Variants in HNRNPL observed in about 807,000 individuals in gnomAD.
HNRNPL encodes the protein heterogeneous nuclear ribonucleoprotein L.
HNRNPL carries 12 observed loss-of-function variants against 64.0 expected under a neutral mutation model. That is an observed-to-expected ratio of 0.19 (90% confidence interval 0.12 to 0.30). The LOEUF (loss-of-function observed/expected upper bound fraction) is 0.30, where lower values mean the gene tolerates loss of function less well. HNRNPL is among the 10% of genes least tolerant of loss of function. HNRNPL has a pLI of 1.00. For missense variants in HNRNPL, 484 were observed against 797.4 expected, an observed-to-expected ratio of 0.61 and a Z score of 4.73; for synonymous variants, 385 against 313.0, an observed-to-expected ratio of 1.23 and a Z score of -2.43.
At chr19:38,839,751 G>A (rs73930211) in intron 8 of HNRNPL, 12 of 246,668 alleles carry the variant, frequency 4.9e-5, no homozygotes, top group African/African-American at 2.3e-4. Context: ...CAGAAGGCCC[G>A]GTGTTGCCAG....
chr19:38,838,639 G>T, intron 9 of HNRNPL, 41 bp from the exon 10 acceptor site: 1 of 1,586,526 alleles, frequency 6.3e-7, no homozygotes, highest in Non-Finnish European at 8.6e-7. Context: ...CATACCCAAA[G>T]TTGTCCCTGA....
intron 6 of HNRNPL, chr19:38,843,446 A>C (rs1352512792): frequency 4.6e-6 from 1 of 215,410 alleles, no homozygotes; most frequent in Admixed American, 5.2e-5. Flanking sequence ...CACTCCCCCA[A>C]ATCAGACCCT....
Position 38,843,928 on chromosome 19 carries a change from A to C in HNRNPL, c.808-14T>G, listed in dbSNP as rs751159349. ...CAAGCGTGTAGGCTGCAAGGACAGG[A>C]CAAGACAAGACTTGAGGTCAGCCAT... On this transcript the variant is annotated splice_polypyrimidine_tract_variant and intron_variant, in intron 5 of 12. Coordinates refer to ENST00000221419, the MANE Select transcript of HNRNPL (RefSeq NM_001533.3). 1 of 1,613,784 alleles carries C rather than the reference A, an allele frequency of 6.2e-7. No individual in the cohort carries two copies. Among genetic ancestry groups the C allele is most frequent in the Non-Finnish European group, 8.5e-7 (1 of 1,179,758 alleles).
At position 38,840,474 on chromosome 19, in the gene HNRNPL, C is replaced by A. The variant is rs773325531; in HGVS notation, c.952+14G>T. ...AGCCACGGGAGTCCACGGAGGGGAA[C>A]CCCCTGCCCTCACCATATTCTGCGG... On this transcript the variant is annotated intron_variant, in intron 7 of 12. Transcript: ENST00000221419. The A allele has an allele frequency of 1.3e-6, 2 of 1,579,974 alleles. No individual in the cohort carries two copies. The highest frequency in any genetic ancestry group is 1.7e-6 in the Non-Finnish European group (2 of 1,165,560).
At position 38,848,499 on chromosome 19, in the gene HNRNPL, C is replaced by G. The variant is rs562741577; in HGVS notation, c.268-1065G>C. ...CCCACCGACAAAAGCCTCTGGTCAT[C>G]AGGAGAAAGATTAACTCTCTTCCGC... On this transcript the variant is annotated intron_variant, in intron 1 of 12. Transcript: ENST00000221419. Among the ~76,000 whole-genome samples, 122 of 152,352 alleles carry G rather than the reference C, an allele frequency of 8.0e-4. No individual in the cohort carries two copies. The Middle Eastern group carries it at 0.014, about 17-fold the overall frequency.
intron 10 of HNRNPL, 93 bp from the exon 11 acceptor site, chr19:38,837,744 G>A: frequency 9.4e-7 from 1 of 1,060,130 alleles, no homozygotes; most frequent in Non-Finnish European, 1.4e-6. Flanking sequence ...CTCAGTACTT[G>A]AAGTTTTCAG....
Position 38,838,609 on chromosome 19 carries a change from G to C in HNRNPL, c.1356-11C>G. ...GGCTGCTTGGAGACACTGCAGCAAG[G>C]AAGAAAGGGGAGCCTTTGTCATACC... On this transcript the variant is annotated splice_polypyrimidine_tract_variant and intron_variant, in intron 9 of 12. Transcript: ENST00000221419. 1 of 1,611,448 alleles carries C rather than the reference G, an allele frequency of 6.2e-7. No homozygotes were observed. Among genetic ancestry groups the C allele is most frequent in the Non-Finnish European group, 8.5e-7 (1 of 1,178,118 alleles).
chr19:38,841,782 C>A (rs1455329168), intron 6 of HNRNPL: 3 of 491,978 alleles, frequency 6.1e-6, no homozygotes, highest in Admixed American at 2.6e-5. Context: ...TTGATTAAAT[C>A]AAAAATGGCT....
At position 38,837,631 on chromosome 19, in the gene HNRNPL, C is replaced by G. The variant is rs1160951181; in HGVS notation, c.1578G>C (p.Val526=). The part of the protein sequence containing the change: ...NFFEICDELG[V]KRPSSVKVFS... ...ATACTTTCACAGAAGATGGCCGCTTCACTCCCAGCTCATCGCAGATCTGCA... is the reference window on the plus strand; with the variant it reads ...ATACTTTCACAGAAGATGGCCGCTTGACTCCCAGCTCATCGCAGATCTGCA... Residue 526 remains valine, a synonymous_variant, in exon 11 of 13, where the codon GTG becomes GTC. Transcript: ENST00000221419. 3 of 1,614,256 alleles carry G rather than the reference C, an allele frequency of 1.9e-6. No homozygotes were observed. In the Admixed American group the frequency reaches 5.0e-5, roughly 27 times the overall value.
intron 1 of HNRNPL, 152 bp downstream of exon 1, chr19:38,849,548 G>A (rs951447904): frequency 9.0e-7 from 1 of 1,110,880 alleles, no homozygotes; most frequent in Non-Finnish European, 1.1e-6. Context: ...AAACCCCGCC[G>A]TTTGCCCAAC....
At chr19:38,849,040 G>T (rs1023342334) in intron 1 of HNRNPL, among the ~76,000 whole-genome samples, 6 of 152,146 alleles carry the variant, frequency 3.9e-5, no homozygotes, top group African/African-American at 1.4e-4. Flanking sequence ...GAAATAGTTT[G>T]GTTTATCAAA....
chr19:38,838,378 G>C lies in HNRNPL; in HGVS notation c.1557+19C>G, dbSNP rs201122914. The stretch of plus-strand genomic sequence containing the variant: ...CCGTGGCAAGGACCCGACTGCCTGC[G>C]CAGCTCCACGGCACACACCTCAAAG... On this transcript the variant is annotated intron_variant, in intron 10 of 12. Transcript: ENST00000221419. 1 of 1,596,266 alleles carries C rather than the reference G, an allele frequency of 6.3e-7. No homozygotes were observed. The highest frequency in any genetic ancestry group is 8.6e-7 in the Non-Finnish European group (1 of 1,165,338).
At chr19:38,844,213 G>A (rs1179886466) in intron 4 of HNRNPL, 109 bp from the exon 5 acceptor site, 17 of 706,576 alleles carry the variant, frequency 2.4e-5, no homozygotes, top group Middle Eastern at 2.4e-4. Context: ...TGGTACAGAC[G>A]GAAGCTTTGG....
At chr19:38,837,526 T>A in intron 11 of HNRNPL, 47 bp from the exon 12 acceptor site, 1 of 1,611,778 alleles carries the variant, frequency 6.2e-7, no homozygotes, top group Non-Finnish European at 8.5e-7. Flanking sequence ...ACTCACCCAA[T>A]AGGAACTAGG....
At chr19:38,849,390 A>T (rs373081360) in intron 1 of HNRNPL, 1 of 313,726 alleles carries the variant, frequency 3.2e-6, no homozygotes, top group Non-Finnish European at 5.8e-6. Flanking sequence ...GATAAAGGGG[A>T]AAAAAACCGG....
chr19:38,838,814 C>T (rs1038046795), intron 9 of HNRNPL, 80 bp downstream of exon 9: 17 of 1,583,562 alleles, frequency 1.1e-5, no homozygotes, highest in Middle Eastern at 2.0e-4. Context: ...CTCGGCCTCA[C>T]TGTGCTCCTC....
At chr19:38,837,090 A>G (rs1338403030) in intron 12 of HNRNPL, 1 of 550,150 alleles carries the variant, frequency 1.8e-6, no homozygotes, top group Non-Finnish European at 3.2e-6. Flanking sequence ...TAGGTAACAG[A>G]GTGGCTTTCC....
rs752903039 is a variant in HNRNPL at position 38,837,401 on chromosome 19, T to A, written c.1694A>T (p.Tyr565Phe). 6.2e-7 allele frequency: 1 copy of A among 1,614,046 alleles called. No homozygotes were observed. The highest frequency in any genetic ancestry group is 1.7e-5 in the Admixed American group (1 of 60,028). ...ATACTCACTTGGGTTTTTCATCTGG[T>A]AATGGTTCAGGAAGCCCAGAGTCTC... ...ALETLGFLNH[Y>F]QMKNPNGPYP... The change falls in exon 12 of 13, where the codon TAC becomes TTC. Residue 565 changes from tyrosine (Y) to phenylalanine (F), a missense_variant. Tyr to Phe is a conservative substitution (Grantham distance 22, BLOSUM62 3). This residue lies in a region of HNRNPL where 69 missense variants were observed against 91.8 expected (regional missense o/e 0.75). Coordinates refer to ENST00000221419, the MANE Select transcript of HNRNPL (RefSeq NM_001533.3).
chr19:38,845,616 C>A (rs2145429181), intron 4 of HNRNPL, 34 bp downstream of exon 4: 1 of 1,549,148 alleles, frequency 6.5e-7, no homozygotes, highest in Non-Finnish European at 8.9e-7. Flanking sequence ...AGAGTCCCTA[C>A]CCTAAGGAAC....
Sources: allele counts gnomAD v4.1 joint callset (sites outside exome capture counted in the v4.1 genomes callset), GRCh38; gene constraint gnomAD v4.1.1; regional missense constraint gnomAD v4.1.1; transcripts MANE v1.5; gene names NCBI Gene and HGNC (gene_info 2026-07-23, HGNC 2026-07-21).